KCTD21: variants seen among roughly 807,000 people sequenced by gnomAD.
KCTD21 encodes the protein BTB/POZ domain-containing protein KCTD21.
Under a neutral mutation model 13.2 loss-of-function variants are expected in KCTD21, and 9 were observed. The ratio of observed to expected loss-of-function variants is 0.68; its 90% CI spans 0.41 to 1.19. The LOEUF (loss-of-function observed/expected upper bound fraction) is 1.19, where lower values mean the gene tolerates loss of function less well. Among genes scored for constraint, KCTD21 ranks in the 50% most tolerant of loss-of-function variants. KCTD21 has a pLI of 0.01. For missense variants in KCTD21, 303 were observed against 336.5 expected (o/e 0.90, Z 0.78); for synonymous variants, 142 against 137.4 (o/e 1.03, Z -0.23).
At chr11:78,177,415 T>C (rs1590876335) in intron 1 of KCTD21, among the ~76,000 whole-genome samples, 1 of 152,042 alleles carries the variant, frequency 6.6e-6, no homozygotes. Context: ...CACAGAGGTG[T>C]GGGCGAGCTG....
intron 1 of KCTD21, chr11:78,188,299 A>C (rs2137013607): frequency 1.0e-6 from 1 of 961,850 alleles, no homozygotes; most frequent in Admixed American, 7.8e-5. Flanking sequence ...CTCCTCCCAC[A>C]GTCCCGACCC....
At position 78,174,446 on chromosome 11, in the gene KCTD21, T is replaced by C; in HGVS notation, c.109A>G (p.Met37Val). The stretch of plus-strand genomic sequence containing the variant: ...CCCTGGCTGTCCCTCTTGGTGGGCA[T>C]CTTCCCGCTGAACATGGCGCCTAGC... ...SMLGAMFSGK[M>V]PTKRDSQGNC... Residue 37 changes from methionine to valine, a missense_variant, in exon 2 of 2, where the codon ATG becomes GTG. Physicochemically the swap from Met to Val is conservative, Grantham distance 21. Transcript: ENST00000340067. The C allele has an allele frequency of 6.2e-7, 1 of 1,614,116 alleles. No individual in the cohort carries two copies. Among genetic ancestry groups the C allele is most frequent in the Non-Finnish European group, 8.5e-7 (1 of 1,180,014 alleles).
intron 1 of KCTD21, among the ~76,000 whole-genome samples, chr11:78,184,963 C>T (rs1042037145): frequency 6.6e-6 from 1 of 152,166 alleles, no homozygotes; most frequent in Non-Finnish European, 1.5e-5. Flanking sequence ...GCCTTGAACT[C>T]CTGGGCTCAA....
At position 78,174,537 on chromosome 11, in the gene KCTD21, C is replaced by T. The variant is rs148261416; in HGVS notation, c.18G>A (p.Thr6=). 1 of 1,612,124 alleles carries T rather than the reference C, an allele frequency of 6.2e-7. No homozygotes were observed. The highest frequency in any genetic ancestry group is 8.5e-7 in the Non-Finnish European group (1 of 1,178,928). The change falls in exon 2 of 2, where the codon ACG becomes ACA. Residue 6 remains threonine, a synonymous_variant. Transcript: ENST00000340067. Reference sequence around the variant, plus strand: ...TATAGAGCTTCCCCCCGACGTTCAGCGTGATGGGGTCGGACATGGCAGGAG... The same window carrying T: ...TATAGAGCTTCCCCCCGACGTTCAGTGTGATGGGGTCGGACATGGCAGGAG... MSDPI[T]LNVGGKLYTT...
At chr11:78,179,239 C>G (rs1179541126) in intron 1 of KCTD21, among the ~76,000 whole-genome samples, 2 of 151,200 alleles carry the variant, frequency 1.3e-5, no homozygotes, top group African/African-American at 2.4e-5. Flanking sequence ...GGTTTCACCA[C>G]GTTGGCCAGG....
chr11:78,179,554 C>T (rs1427579707), intron 1 of KCTD21, among the ~76,000 whole-genome samples: 2 of 152,110 alleles, frequency 1.3e-5, no homozygotes, highest in Non-Finnish European at 2.9e-5. Context: ...GAGCTCAGGC[C>T]TCATCCCTGC....
At chr11:78,183,928 C>A (rs1212080688) in intron 1 of KCTD21, among the ~76,000 whole-genome samples, 1 of 152,084 alleles carries the variant, frequency 6.6e-6, no homozygotes, top group Non-Finnish European at 1.5e-5. Context: ...AGCCACCGCA[C>A]CCGGCCAGGA....
chr11:78,179,314 G>A lies in KCTD21; in HGVS notation c.-29-4731C>T, dbSNP rs1005938741. On this transcript the variant is annotated intron_variant, in intron 1 of 1. Coordinates refer to ENST00000340067, the MANE Select transcript of KCTD21 (RefSeq NM_001029859.3). The stretch of plus-strand genomic sequence containing the variant: ...CCTCCCAAAGTGTGGGGATTACCAC[G>A]TCTGCCCCTCTGCTACTTTGTTCAA... Among the ~76,000 whole-genome samples, 9 of 151,570 alleles carry A rather than the reference G, an allele frequency of 5.9e-5. No homozygotes were observed. In the East Asian group the frequency reaches 1.4e-3, roughly 23 times the overall value.
Position 78,173,735 on chromosome 11 carries a change from C to T in KCTD21, c.*37G>A. On this transcript the variant is annotated 3_prime_UTR_variant, in exon 2 of 2. Coordinates refer to ENST00000340067, the MANE Select transcript of KCTD21 (RefSeq NM_001029859.3). ...TCCAAGACCTGGCTGACATGAGCTT[C>T]CTGGGACTCCCCATCTCCAGTGTTG... 2 of 1,563,126 alleles carry T rather than the reference C, an allele frequency of 1.3e-6. No individual in the cohort carries two copies. Among genetic ancestry groups the T allele is most frequent in the South Asian group, 1.2e-5 (1 of 83,794 alleles).
chr11:78,181,407 G>C (rs1288413757), intron 1 of KCTD21, among the ~76,000 whole-genome samples: 1 of 152,208 alleles, frequency 6.6e-6, no homozygotes, highest in Non-Finnish European at 1.5e-5. Context: ...AGCCTCAGAA[G>C]GTTACATGGT....
rs1330707174 is a variant in KCTD21 at position 78,188,568 on chromosome 11, C to T, written c.-30+5G>A. On this transcript the variant is annotated splice_donor_5th_base_variant and intron_variant, in intron 1 of 1. Coordinates refer to ENST00000340067, the MANE Select transcript of KCTD21 (RefSeq NM_001029859.3). Reference sequence around the variant, plus strand: ...GCCCCGCGACCCCGGCCGTGCCGCACCCACCTCCTGCCCTCGCTCTGCAGC... The same window carrying T: ...GCCCCGCGACCCCGGCCGTGCCGCATCCACCTCCTGCCCTCGCTCTGCAGC... The T allele has an allele frequency of 1.0e-5, 10 of 985,596 alleles. No individual in the cohort carries two copies. The highest frequency in any genetic ancestry group is 1.1e-4 in the East Asian group (1 of 8,780). The allele number at this position is 985,596 out of a possible 1,614,324, so 61.1% of individuals were successfully genotyped here.
intron 1 of KCTD21, chr11:78,188,348 T>C (rs1454767886): frequency 6.1e-6 from 6 of 984,972 alleles, no homozygotes; most frequent in African/African-American, 1.8e-5. Flanking sequence ...CATCCGCCCT[T>C]GCTCTCCCAA....
rs1464721703 is a variant in KCTD21 at position 78,171,849 on chromosome 11, T to C, written c.*1923A>G. On this transcript the variant is annotated 3_prime_UTR_variant, in exon 2 of 2. Coordinates refer to ENST00000340067, the MANE Select transcript of KCTD21 (RefSeq NM_001029859.3). ...TTGAACTCCTGACCTCAAGTGATCTTCCCGCCTCGGCCTCCCAGAGTGTTG... is the reference window on the plus strand; with the variant it reads ...TTGAACTCCTGACCTCAAGTGATCTCCCCGCCTCGGCCTCCCAGAGTGTTG... 1 of 152,204 alleles carries C rather than the reference T, an allele frequency of 6.6e-6. No homozygotes were observed. The highest frequency in any genetic ancestry group is 1.5e-5 in the Non-Finnish European group (1 of 68,058). The allele number at this position is 152,204 out of a possible 1,614,324, so 9.4% of individuals were successfully genotyped here.
At chr11:78,179,376 T>C (rs1862552005) in intron 1 of KCTD21, among the ~76,000 whole-genome samples, 1 of 151,880 alleles carries the variant, frequency 6.6e-6, no homozygotes. Context: ...GTCAAGACCC[T>C]CCACCAGTAA....
chr11:78,172,455 T>C lies in KCTD21; in HGVS notation c.*1317A>G, dbSNP rs1862305611. On this transcript the variant is annotated 3_prime_UTR_variant, in exon 2 of 2. Coordinates refer to ENST00000340067, the MANE Select transcript of KCTD21 (RefSeq NM_001029859.3). Reference sequence around the variant, plus strand: ...CAGCAGAAAATGGTCGAAAGGTATATGGAGCCACAGATGGTGGGGAAGGTG... The same window carrying C: ...CAGCAGAAAATGGTCGAAAGGTATACGGAGCCACAGATGGTGGGGAAGGTG... The C allele has an allele frequency of 6.6e-6, 1 of 152,132 alleles. No individual in the cohort carries two copies. Among genetic ancestry groups the C allele is most frequent in the Non-Finnish European group, 1.5e-5 (1 of 68,074 alleles). 9.4% of individuals were successfully genotyped at this position (152,132 alleles called of 1,614,324 possible).
intron 1 of KCTD21, among the ~76,000 whole-genome samples, chr11:78,183,410 C>G (rs1010029191): frequency 2.6e-4 from 40 of 151,806 alleles, no homozygotes; most frequent in African/African-American, 8.9e-4. Flanking sequence ...GTGGCGTGCG[C>G]CTGTTATTCC....
intron 1 of KCTD21, chr11:78,175,127 A>T (rs1862410651): frequency 6.6e-6 from 1 of 152,400 alleles, no homozygotes; most frequent in Admixed American, 6.5e-5. Flanking sequence ...GTTCAAGATC[A>T]GACTGGCCAA....
At chr11:78,176,579 C>T (rs979910299) in intron 1 of KCTD21, among the ~76,000 whole-genome samples, 1 of 152,182 alleles carries the variant, frequency 6.6e-6, no homozygotes, top group Non-Finnish European at 1.5e-5. Flanking sequence ...CCAAGAGGAA[C>T]TGGCCCCAGT....
intron 1 of KCTD21, among the ~76,000 whole-genome samples, chr11:78,184,116 C>G (rs966849165): frequency 6.6e-6 from 1 of 152,122 alleles, no homozygotes; most frequent in African/African-American, 2.4e-5. Flanking sequence ...TCACAGATTA[C>G]TTATTAATTG....
Sources: gnomAD v4.1 joint callset for allele counts (sites outside exome capture counted in the v4.1 genomes callset) on GRCh38, gnomAD v4.1.1 for gene constraint, MANE v1.5 for transcripts, NCBI Gene and HGNC (gene_info 2026-07-23, HGNC 2026-07-21) for gene names.